Variants in SMIM36 observed in about 807,000 individuals in gnomAD.
The protein encoded by SMIM36 is small integral membrane protein 36.
chr17:55,512,887 T>C (rs1055820932), upstream of SMIM36, among the ~76,000 whole-genome samples: 6 of 152,344 alleles, frequency 3.9e-5, no homozygotes, highest in African/African-American at 1.4e-4. Flanking sequence ...TAAGCTTCAA[T>C]GGGCTAGTGT....
intron 4 of SMIM36, among the ~76,000 whole-genome samples, chr17:55,452,895 G>A (rs1455038401): frequency 3.9e-5 from 6 of 152,158 alleles, no homozygotes. Flanking sequence ...TGATAGAGAG[G>A]GAAGTAAGAT....
chr17:55,451,489 G>A (rs562394351), intron 4 of SMIM36, among the ~76,000 whole-genome samples: 2 of 152,304 alleles, frequency 1.3e-5, no homozygotes, highest in East Asian at 3.9e-4. Flanking sequence ...CCCCACAGAG[G>A]CTTTGAAGTG....
At chr17:55,530,583 G>A in the SMIM36 span, among the ~76,000 whole-genome samples, 1 of 152,164 alleles carries the variant, frequency 6.6e-6, no homozygotes, top group South Asian at 2.1e-4. Flanking sequence ...AGGAGTTTGA[G>A]AACAGCCTGG....
At chr17:55,505,650 C>G (rs1411851382) in intron 1 of SMIM36, among the ~76,000 whole-genome samples, 1 of 69,096 alleles carries the variant, frequency 1.4e-5, no homozygotes, top group Non-Finnish European at 2.3e-5. Flanking sequence ...GAAGCATTCC[C>G]TTTGAAAACT....
At chr17:55,507,333 G>A (rs1171438685) in intron 1 of SMIM36, among the ~76,000 whole-genome samples, 4 of 136,518 alleles carry the variant, frequency 2.9e-5, no homozygotes, top group Non-Finnish European at 4.6e-5. Flanking sequence ...CAACCCAAAT[G>A]TCCAACAACG....
chr17:55,453,766 T>C (rs533254559), intron 4 of SMIM36, among the ~76,000 whole-genome samples: 1 of 152,276 alleles, frequency 6.6e-6, no homozygotes, highest in African/African-American at 2.4e-5. Context: ...TAATGGGAGA[T>C]TCCCAGGTTT....
At chr17:55,503,836 C>T (rs1278669391) in intron 1 of SMIM36, among the ~76,000 whole-genome samples, 16 of 131,512 alleles carry the variant, frequency 1.2e-4, no homozygotes, top group African/African-American at 3.5e-4. Context: ...ACCCATCTCA[C>T]GTGCAGAGAC....
the SMIM36 span, among the ~76,000 whole-genome samples, chr17:55,520,580 T>C: frequency 9.9e-5 from 15 of 152,156 alleles, no homozygotes; most frequent in Admixed American, 9.8e-4. Flanking sequence ...AATGGGCAGG[T>C]AGCATGTACA....
chr17:55,491,063 TG>T (rs1202689512), intron 1 of SMIM36, among the ~76,000 whole-genome samples: 1 of 151,996 alleles, frequency 6.6e-6, no homozygotes, highest in Non-Finnish European at 1.5e-5. Context: ...AAGACCAGCC[TG>T]GGCAACATAG....
intron 3 of SMIM36, among the ~76,000 whole-genome samples, chr17:55,475,345 A>G (rs988655126): frequency 7.2e-5 from 11 of 151,986 alleles, no homozygotes; most frequent in African/African-American, 2.4e-4. Context: ...CAATGCTTTC[A>G]CCCTGATGAA....
At chr17:55,477,575 T>C (rs1370981959) in intron 3 of SMIM36, among the ~76,000 whole-genome samples, 1 of 152,206 alleles carries the variant, frequency 6.6e-6, no homozygotes, top group East Asian at 1.9e-4. Flanking sequence ...GGCCCCATTC[T>C]GTGTACTGGG....
chr17:55,508,907 G>C (rs1425308776), intron 1 of SMIM36, among the ~76,000 whole-genome samples: 1 of 132,676 alleles, frequency 7.5e-6, no homozygotes, highest in Non-Finnish European at 1.5e-5. Flanking sequence ...TGGGTGATAA[G>C]GGCAAGGCTC....
intron 1 of SMIM36, among the ~76,000 whole-genome samples, chr17:55,510,579 CAAGACTCTGTCTCTTAAAGA>C: frequency 6.6e-6 from 1 of 152,256 alleles, no homozygotes; most frequent in Admixed American, 6.5e-5. Flanking sequence ...GGCAACAGAG[CAAGACTCTGTCTCTTAAAGA>C]AAAGAAAAAT....
intron 3 of SMIM36, among the ~76,000 whole-genome samples, chr17:55,474,745 C>T (rs1004650799): frequency 6.6e-6 from 1 of 151,936 alleles, no homozygotes; most frequent in East Asian, 1.9e-4. Flanking sequence ...TTGTGGTGTG[C>T]GTGTGGTGTA....
chr17:55,489,486 T>A (rs4793798), intron 1 of SMIM36, among the ~76,000 whole-genome samples: 1 of 152,174 alleles, frequency 6.6e-6, no homozygotes, highest in African/African-American at 2.4e-5. Context: ...CAGCCACTTA[T>A]AAAAGTTTTG....
chr17:55,460,455 A>AAAAAAAAAAAAAAC (rs1567862737), intron 4 of SMIM36, among the ~76,000 whole-genome samples: 1 of 148,804 alleles, frequency 6.7e-6, no homozygotes, highest in African/African-American at 2.5e-5. Flanking sequence ...AACAAAACAA[A>AAAAAAAAAAAAAAC]AAAAAAGAAC....
chr17:55,502,353 C>T (rs1392999299), intron 1 of SMIM36, among the ~76,000 whole-genome samples: 1 of 103,596 alleles, frequency 9.7e-6, no homozygotes, highest in Admixed American at 8.5e-5. Flanking sequence ...AGCAGTGGTT[C>T]TCCCAGCATG....
intron 4 of SMIM36, among the ~76,000 whole-genome samples, chr17:55,457,456 A>C (rs906927757): frequency 3.3e-5 from 5 of 151,160 alleles, no homozygotes; most frequent in African/African-American, 1.2e-4. Context: ...CGTCTCAAAA[A>C]AAAAAAAAAA....
rs1237816222 is a variant in SMIM36, at chr17:55,504,648, A to C, written c.*174+6231T>G. 3.5e-5 allele frequency among the ~76,000 whole-genome samples: 3 copies of C among 86,156 alleles called. 1 individual carries two copies. Among genetic ancestry groups the C allele is most frequent in the African/African-American group, 2.4e-4 (3 of 12,556 alleles). The allele number at this position is 86,156 out of a possible 152,430, so 56.5% of individuals were successfully genotyped here. A position where few individuals can be genotyped will look rare whatever the true frequency, so the allele number is the denominator to read the frequency against. ...GGAACGATCCAAAATTGACACCCTA[A>C]CATCACAATTAGAAGAACTAGAAAA... On this transcript the variant is annotated intron_variant, in intron 1 of 4. Transcript: ENST00000636752.
Sources: gnomAD v4.1 joint callset for allele counts (sites outside exome capture counted in the v4.1 genomes callset) on GRCh38, gnomAD v4.1.1 for gene constraint, MANE v1.5 for transcripts, NCBI Gene and HGNC (gene_info 2026-07-23, HGNC 2026-07-21) for gene names.